The following APBB2 variants were observed in gnomAD, a reference collection of about 807,000 sequenced individuals.
APBB2 encodes amyloid beta precursor protein binding family B member 2, also known as Fe65-like 1.
APBB2 carries 38 observed loss-of-function variants against 82.5 expected under a neutral mutation model. That is an observed-to-expected ratio of 0.46 (90% CI 0.36 to 0.60). APBB2 has a LOEUF of 0.60. Ranked by LOEUF, APBB2 falls within the 20% of genes least tolerant of loss-of-function variation. The probability of loss-of-function intolerance (pLI) is 0.00; values close to 1 mark genes in which losing one functional copy is unlikely to be tolerated. For missense variants in APBB2, 772 were observed against 972.3 expected, an observed-to-expected ratio of 0.79 and a Z score of 2.74; for synonymous variants, 341 against 368.2, an observed-to-expected ratio of 0.93 and a Z score of 0.85.
At chr4:40,882,689 C>T (rs957560780) in intron 12 of APBB2, among the ~76,000 whole-genome samples, 2 of 152,250 alleles carry the variant, frequency 1.3e-5, no homozygotes, top group East Asian at 1.9e-4. Flanking sequence ...GCGTAGTCTG[C>T]GGAGTCCCAG....
At chr4:40,937,665 C>CT (rs955526487) in intron 7 of APBB2, among the ~76,000 whole-genome samples, 5 of 152,158 alleles carry the variant, frequency 3.3e-5, no homozygotes, top group African/African-American at 9.6e-5. Flanking sequence ...GGCCAAAGAT[C>CT]TTTTTTCCCC....
At chr4:41,045,274 A>G (rs529651566) in intron 4 of APBB2, among the ~76,000 whole-genome samples, 1 of 151,374 alleles carries the variant, frequency 6.6e-6, no homozygotes, top group East Asian at 1.9e-4. Context: ...ATAGAATATT[A>G]TGATTTTAAT....
At chr4:41,087,795 A>T (rs1037488836) in intron 3 of APBB2, among the ~76,000 whole-genome samples, 3 of 152,194 alleles carry the variant, frequency 2.0e-5, no homozygotes, top group African/African-American at 4.8e-5. Flanking sequence ...GACATTTTAC[A>T]TAAGACAATC....
At chr4:40,855,747 C>CA (rs1028494497) in intron 12 of APBB2, among the ~76,000 whole-genome samples, 9 of 145,362 alleles carry the variant, frequency 6.2e-5, no homozygotes, top group East Asian at 4.0e-4. Flanking sequence ...AAAAAAAAAA[C>CA]AAAAAAAAGG....
intron 10 of APBB2, among the ~76,000 whole-genome samples, chr4:40,910,757 A>G (rs1402859314): frequency 6.6e-6 from 1 of 152,276 alleles, no homozygotes; most frequent in Non-Finnish European, 1.5e-5. Flanking sequence ...TGGCAAGGCT[A>G]GGCCAGACCT....
chr4:40,934,982 G>T, intron 8 of APBB2, 95 bp downstream of exon 8: 2 of 1,052,676 alleles, frequency 1.9e-6, no homozygotes, highest in Non-Finnish European at 2.8e-6. Context: ...TGTCCCTGCA[G>T]AATGCATGAT....
At chr4:40,974,215 A>G (rs996681142) in intron 6 of APBB2, among the ~76,000 whole-genome samples, 3 of 144,076 alleles carry the variant, frequency 2.1e-5, no homozygotes, top group African/African-American at 8.8e-5. Context: ...ACCTTACCTT[A>G]ACTTGATTAC....
chr4:41,128,672 G>C (rs1383555870), intron 2 of APBB2, among the ~76,000 whole-genome samples: 1 of 152,130 alleles, frequency 6.6e-6, no homozygotes, highest in African/African-American at 2.4e-5. Flanking sequence ...CTAGGGGCTG[G>C]ATATACAGCA....
chr4:41,180,264 T>C (rs1770957565), intron 1 of APBB2, among the ~76,000 whole-genome samples: 1 of 152,122 alleles, frequency 6.6e-6, no homozygotes, highest in African/African-American at 2.4e-5. Flanking sequence ...TAAATCAAAG[T>C]AAACCTGCAT....
chr4:41,152,286 G>T (rs570406043), intron 1 of APBB2, among the ~76,000 whole-genome samples: 56 of 150,966 alleles, frequency 3.7e-4, no homozygotes, highest in African/African-American at 1.3e-3. Context: ...AAAGTCCTTA[G>T]GGTTCTAAAT....
intron 3 of APBB2, among the ~76,000 whole-genome samples, chr4:41,092,414 C>A (rs1742038934): frequency 6.6e-6 from 1 of 152,140 alleles, no homozygotes; most frequent in African/African-American, 2.4e-5. Flanking sequence ...AATGCAGGAG[C>A]CAAGTTTGCC....
Position 40,810,599 on chromosome 4 carries a change from A to AAAAAAG in APBB2, c.*5492_*5493insCTTTTT, listed in dbSNP as rs1319566525. Reference sequence around the variant, plus strand: ...CCTCAAAAAAAAAAAAAAAAAAAAAAAAGTGTCAATGAAGAAAGGAAACAA... The same window carrying AAAAAAG: ...CCTCAAAAAAAAAAAAAAAAAAAAAAAAAAAGAAGTGTCAATGAAGAAAGGAAACAA... On this transcript the variant is annotated 3_prime_UTR_variant, in exon 18 of 18. Coordinates refer to ENST00000508593, the MANE Select transcript of APBB2 (RefSeq NM_004307.2). The AAAAAAG allele has an allele frequency of 1.3e-5, 2 of 151,674 alleles. No individual in the cohort carries two copies. Among genetic ancestry groups the AAAAAAG allele is most frequent in the Non-Finnish European group, 2.9e-5 (2 of 67,898 alleles). The allele number at this position is 151,674 out of a possible 1,614,324, so 9.4% of individuals were successfully genotyped here.
intron 4 of APBB2, among the ~76,000 whole-genome samples, chr4:41,058,534 G>A (rs1728620698): frequency 1.3e-5 from 2 of 152,190 alleles, no homozygotes; most frequent in African/African-American, 4.8e-5. Flanking sequence ...CACATGCCAT[G>A]TAAAAATCTA....
At chr4:41,051,866 T>C (rs894635304) in intron 4 of APBB2, among the ~76,000 whole-genome samples, 2 of 152,138 alleles carry the variant, frequency 1.3e-5, no homozygotes, top group Non-Finnish European at 2.9e-5. Context: ...TTCCTTTGAG[T>C]GTCTCTTTAG....
chr4:41,011,250 G>A (rs532504915), intron 6 of APBB2, among the ~76,000 whole-genome samples: 49 of 151,316 alleles, frequency 3.2e-4, no homozygotes, highest in African/African-American at 8.0e-4. Context: ...GCACAATCTC[G>A]GTTCACTGCA....
Position 40,880,891 on chromosome 4 carries a change from A to G in APBB2, c.1529+9473T>C, listed in dbSNP as rs1768281451. 4.1e-6 allele frequency: 4 copies of G among 984,896 alleles called. No homozygotes were observed. In the South Asian group the frequency reaches 1.9e-4, roughly 46 times the overall value. The allele number at this position is 984,896 out of a possible 1,614,324, so 61.0% of individuals were successfully genotyped here. On this transcript the variant is annotated intron_variant, in intron 12 of 17. Transcript: ENST00000508593. The stretch of plus-strand genomic sequence containing the variant: ...CCAGAGTTACCAAAATGGACGAGGT[A>G]TTTCTCAGGAGAAACTGTCGCCTTC...
intron 1 of APBB2, among the ~76,000 whole-genome samples, chr4:41,146,479 A>G (rs1760785897): frequency 1.3e-5 from 2 of 152,138 alleles, no homozygotes; most frequent in Non-Finnish European, 2.9e-5. Context: ...GGGCAAGAGA[A>G]CAAGACCCCG....
At chr4:40,975,442 C>G (rs188060897) in intron 6 of APBB2, among the ~76,000 whole-genome samples, 1 of 152,078 alleles carries the variant, frequency 6.6e-6, no homozygotes, top group African/African-American at 2.4e-5. Context: ...TAATCACAAC[C>G]ATTTTTGTCT....
At position 40,827,234 on chromosome 4, in the gene APBB2, G is replaced by A. The variant is rs1228693139; in HGVS notation, c.1645-15C>T. ...TCAGCCATAATCTAAGGGGGAAAAAGTGCAGCTTTGGAGCGTGGGTTCAAG... is the reference window on the plus strand; with the variant it reads ...TCAGCCATAATCTAAGGGGGAAAAAATGCAGCTTTGGAGCGTGGGTTCAAG... On this transcript the variant is annotated splice_polypyrimidine_tract_variant and intron_variant, in intron 13 of 17. Coordinates refer to ENST00000508593, the MANE Select transcript of APBB2 (RefSeq NM_004307.2). 5.6e-6 allele frequency: 9 copies of A among 1,613,328 alleles called. No individual in the cohort carries two copies. The African/African-American group carries it at 1.1e-4, about 19-fold the overall frequency.
Sources: gnomAD v4.1 joint callset for allele counts (sites outside exome capture counted in the v4.1 genomes callset) on GRCh38, gnomAD v4.1.1 for gene constraint, MANE v1.5 for transcripts, NCBI Gene and HGNC (gene_info 2026-07-23, HGNC 2026-07-21) for gene names.